The following ODF2 variants were observed in gnomAD, a reference collection of about 807,000 sequenced individuals.
ODF2 encodes the protein outer dense fiber protein 2.
Under a neutral mutation model 110.2 loss-of-function variants are expected in ODF2, and 47 were observed. That is an observed-to-expected ratio of 0.43 (90% confidence interval 0.34 to 0.54). The LOEUF (loss-of-function observed/expected upper bound fraction) is 0.54. Among genes scored for constraint, ODF2 ranks in the 20% least tolerant of loss-of-function variants. The pLI, the probability that ODF2 is intolerant of heterozygous loss-of-function variation, is 0.03. For synonymous variants in ODF2, 352 were observed against 397.7 expected (o/e 0.89, Z 1.37); for missense variants, 812 against 1,054.5 (o/e 0.77, Z 3.19).
chr9:128,475,931 A>G (rs562058333), intron 8 of ODF2, among the ~76,000 whole-genome samples: 1 of 152,188 alleles, frequency 6.6e-6, no homozygotes, highest in East Asian at 1.9e-4. Flanking sequence ...GGGGTAAGCC[A>G]CCGCGCCCGG....
chr9:128,481,177 TAC>T (rs1438980274), intron 8 of ODF2, among the ~76,000 whole-genome samples: 2 of 151,980 alleles, frequency 1.3e-5, no homozygotes, highest in Non-Finnish European at 2.9e-5. Flanking sequence ...AAATTAGAAC[TAC>T]AGTTTTTTGG....
Position 128,494,863 on chromosome 9 carries a change from T to C in ODF2, c.1911+195T>C. 1.4e-6 allele frequency: 2 copies of C among 1,465,484 alleles called. No homozygotes were observed. The highest frequency in any genetic ancestry group is 1.8e-6 in the Non-Finnish European group (2 of 1,110,642). 90.8% of individuals were successfully genotyped at this position (1,465,484 alleles called of 1,614,324 possible). A position where few individuals can be genotyped will look rare whatever the true frequency, so the allele number is the denominator to read the frequency against. ...GCCATGTGTTTGCACAAAGTGATTG[T>C]AGTTATAGGAGCCGTCACTTGCGTG... On this transcript the variant is annotated intron_variant, in intron 17 of 20. Transcript: ENST00000604420. The surrounding 1 kb of genome is among the most constrained non-coding windows in gnomAD (Gnocchi z 4.6).
chr9:128,490,311 C>T (rs1201734805), intron 14 of ODF2, among the ~76,000 whole-genome samples: 1 of 151,022 alleles, frequency 6.6e-6, no homozygotes. Flanking sequence ...GAGACAGAGT[C>T]TTGCTCTGTT....
intron 1 of ODF2, chr9:128,456,687 C>CA (rs1834893947): frequency 7.1e-7 from 1 of 1,399,926 alleles, no homozygotes; most frequent in Non-Finnish European, 9.3e-7. Flanking sequence ...ACATGGCAGT[C>CA]ACTTGTACGC....
At chr9:128,468,831 TCTTTTA>T (rs1838978829) in intron 4 of ODF2, 2 of 196,848 alleles carry the variant, frequency 1.0e-5, no homozygotes, top group African/African-American at 4.7e-5. Flanking sequence ...GCTAGCTAAT[TCTTTTA>T]CTTTTATAGA....
chr9:128,456,841 C>T, intron 1 of ODF2: 1 of 1,315,394 alleles, frequency 7.6e-7, no homozygotes. Flanking sequence ...CGGCGGGGCG[C>T]CCGGGGCCCG....
At position 128,485,419 on chromosome 9, in the gene ODF2, A is replaced by C. The variant is rs749864707; in HGVS notation, c.1345A>C (p.Asn449His). 6.2e-7 allele frequency: 1 copy of C among 1,612,264 alleles called. No homozygotes were observed. The highest frequency in any genetic ancestry group is 8.5e-7 in the Non-Finnish European group (1 of 1,178,508). ...TCTGGAATCCTGGAGGAGCCGCTAC[A>C]ACCAAGTTGTAAAAGAAAAGGGAGA... The change falls in exon 13 of 21, where the codon AAC (asparagine) becomes CAC (histidine). Residue 449 changes from asparagine to histidine, a missense_variant. Coordinates refer to ENST00000604420, the Ensembl canonical transcript of ODF2. The surrounding 1 kb of genome is among the most constrained non-coding windows in gnomAD (Gnocchi z 5.0).
rs1564456000 is a variant in ODF2 at position 128,460,673 on chromosome 9, G to A, written c.124-269G>A. 2.5e-6 allele frequency: 4 copies of A among 1,613,908 alleles called. No homozygotes were observed. The African/African-American group carries it at 4.0e-5, about 16-fold the overall frequency. On this transcript the variant is annotated intron_variant, in intron 3 of 20. Transcript: ENST00000604420. ...ATCAGCGACCAGCAGCCAGGTAGGA[G>A]CATGCCAGTGGGGCGAGGTAGTAGC...
In ODF2 at chr9:128,469,364, T is replaced by C. The variant is rs747209667; in HGVS notation, c.420+11T>C. On this transcript the variant is annotated intron_variant, in intron 5 of 20. Coordinates refer to ENST00000604420, the Ensembl canonical transcript of ODF2. Reference sequence around the variant, plus strand: ...TGTCTGAAGTCTGAGGTGAGGGAGGTAGGGGGCTGGGATAGCTACTACCCT... The same window carrying C: ...TGTCTGAAGTCTGAGGTGAGGGAGGCAGGGGGCTGGGATAGCTACTACCCT... 1.9e-6 allele frequency: 3 copies of C among 1,613,250 alleles called. No individual in the cohort carries two copies. The highest frequency in any genetic ancestry group is 1.3e-5 in the African/African-American group (1 of 74,890).
At chr9:128,497,664 G>A (rs998697121) in intron 18 of ODF2, 25 of 151,448 alleles carry the variant, frequency 1.7e-4, no homozygotes, top group African/African-American at 5.6e-4. Context: ...AGGTGGGCAA[G>A]AGTCCTCCAG....
intron 3 of ODF2, chr9:128,460,089 T>C (rs1836014139): frequency 8.1e-7 from 1 of 1,233,850 alleles, no homozygotes; most frequent in African/African-American, 1.5e-5. Flanking sequence ...TTCTTTGATC[T>C]GCCTGCTCTC....
chr9:128,466,994 AAAAAAAAAAAAAAAAAAAAAATAT>A (rs1307036057), intron 4 of ODF2, among the ~76,000 whole-genome samples: 2 of 53,644 alleles, frequency 3.7e-5, no homozygotes, highest in African/African-American at 1.8e-4. Flanking sequence ...AAAAAAAAAA[AAAAAAAAAAAAAAAAAAAAAATAT>A]ATATATATAT....
At chr9:128,472,173 T>C (rs943149161) in intron 6 of ODF2, among the ~76,000 whole-genome samples, 94 of 152,158 alleles carry the variant, frequency 6.2e-4, no homozygotes, top group African/African-American at 2.2e-3. Flanking sequence ...CTAGCTACTC[T>C]GGAGGCTGAG....
rs137901437 is a variant in ODF2 at position 128,498,499 on chromosome 9, G to C, written c.2099G>C (p.Arg700Pro). ...GAGGCAATCCACCAGTCCCAGCTGCGGCTGGAGGAGAAAACACGGGAATGT... is the reference window on the plus strand; with the variant it reads ...GAGGCAATCCACCAGTCCCAGCTGCCGCTGGAGGAGAAAACACGGGAATGT... The change falls in exon 19 of 21, where the codon CGG becomes CCG. Residue 700 changes from arginine to proline, a missense_variant. This residue lies in a region of ODF2 where 234 missense variants were observed against 245.3 expected (regional missense o/e 0.95). Coordinates refer to ENST00000604420, the Ensembl canonical transcript of ODF2. 8.1e-6 allele frequency: 13 copies of C among 1,613,446 alleles called. No individual in the cohort carries two copies. In the South Asian group the frequency reaches 1.2e-4, roughly 15 times the overall value.
At chr9:128,466,774 G>A (rs1198728390) in intron 4 of ODF2, among the ~76,000 whole-genome samples, 1 of 148,702 alleles carries the variant, frequency 6.7e-6, no homozygotes, top group Non-Finnish European at 1.5e-5. Flanking sequence ...TCAGGAGATC[G>A]AGACCATCCT....
At position 128,470,022 on chromosome 9, in the gene ODF2, T is replaced by A. The variant is rs1347017962; in HGVS notation, c.420+669T>A. Among the ~76,000 whole-genome samples the A allele has an allele frequency of 4.1e-3, 132 of 31,848 alleles. 1 individual carries two copies. Among genetic ancestry groups the A allele is most frequent in the Non-Finnish European group, 6.2e-3 (107 of 17,392 alleles). 20.9% of individuals were successfully genotyped at this position (31,848 alleles called of 152,430 possible). A position where few individuals can be genotyped will look rare whatever the true frequency, so the allele number is the denominator to read the frequency against. ...AAAAAAAAAAAAAAAAAAAAAAATA[T>A]ATATATATATATATATATATATATA... On this transcript the variant is annotated intron_variant, in intron 5 of 20. Coordinates refer to ENST00000604420, the Ensembl canonical transcript of ODF2.
intron 18 of ODF2, among the ~76,000 whole-genome samples, chr9:128,497,323 C>T (rs1270914398): frequency 2.0e-5 from 3 of 147,884 alleles, no homozygotes; most frequent in African/African-American, 5.0e-5. Context: ...CGTGGTGTCT[C>T]ACGCCTGTAA....
intron 17 of ODF2, 136 bp from the exon 18 acceptor site, chr9:128,495,905 G>A: frequency 1.0e-6 from 1 of 965,618 alleles, no homozygotes; most frequent in South Asian, 1.5e-5. Flanking sequence ...TTCTCCTCTA[G>A]GTTGTGCGTT....
At chr9:128,484,986 GAT>G in intron 12 of ODF2, 100 bp downstream of exon 12, 1 of 1,200,374 alleles carries the variant, frequency 8.3e-7, no homozygotes, top group Non-Finnish European at 1.2e-6. Context: ...GGGGTGGGTG[GAT>G]GAGGGATGGT....
Sources: allele counts gnomAD v4.1 joint callset (sites outside exome capture counted in the v4.1 genomes callset), GRCh38; gene constraint gnomAD v4.1.1; regional missense constraint gnomAD v4.1.1; non-coding constraint Gnocchi (gnomAD v3.1); transcripts MANE v1.5; gene names NCBI Gene and HGNC (gene_info 2026-07-23, HGNC 2026-07-21).